SPINK6: variants seen among roughly 807,000 people sequenced by gnomAD.
SPINK6 encodes serine peptidase inhibitor Kazal type 6, also known as serine protease inhibitor Kazal-type 6.
In SPINK6, 13 loss-of-function variants were observed where a neutral mutation model predicts 11.7. That is an observed-to-expected ratio of 1.11 (90% CI 0.72 to 1.76). The LOEUF (loss-of-function observed/expected upper bound fraction) is 1.76, where lower values mean the gene tolerates loss of function less well. SPINK6 is among the 40% of genes most tolerant of loss of function. The probability of loss-of-function intolerance (pLI) is 0.00; values close to 1 mark genes in which losing one functional copy is unlikely to be tolerated. For synonymous variants in SPINK6, 21 were observed against 31.9 expected (o/e 0.66, Z 1.15); for missense variants, 98 against 93.7 (o/e 1.05, Z -0.19).
At chr5:148,211,882 T>G (rs1484152793) in intron 2 of SPINK6, among the ~76,000 whole-genome samples, 1 of 152,186 alleles carries the variant, frequency 6.6e-6, no homozygotes, top group Non-Finnish European at 1.5e-5. Flanking sequence ...TGAGATAATC[T>G]GTGTGAAAGT....
In SPINK6 at chr5:148,203,066, C is replaced by T. The variant is rs774165308; in HGVS notation, c.-31C>T. ...GACAGAGAACCTCAGCTGGACAAAG[C>T]AGCCTTGATCTGAGTGAGCTAACTG... On this transcript the variant is annotated 5_prime_UTR_variant, in exon 1 of 4. Transcript: ENST00000325630. 1.9e-6 allele frequency: 3 copies of T among 1,586,396 alleles called. No individual in the cohort carries two copies. In the East Asian group the frequency reaches 6.7e-5, roughly 36 times the overall value.
At chr5:148,205,542 TA>T (rs563803165) in intron 1 of SPINK6, among the ~76,000 whole-genome samples, 13 of 152,192 alleles carry the variant, frequency 8.5e-5, no homozygotes, top group Admixed American at 1.3e-4. Flanking sequence ...GGCCAAGTTT[TA>T]AAAGTTGAGC....
At chr5:148,209,992 A>ACACGCG (rs1561732169) in intron 2 of SPINK6, among the ~76,000 whole-genome samples, 2 of 145,856 alleles carry the variant, frequency 1.4e-5, no homozygotes, top group South Asian at 4.3e-4. Context: ...ATGTATACAT[A>ACACGCG]TACACGTATG....
At chr5:148,212,244 T>C (rs1755607836) in intron 2 of SPINK6, among the ~76,000 whole-genome samples, 1 of 151,764 alleles carries the variant, frequency 6.6e-6, no homozygotes, top group Admixed American at 6.6e-5. Flanking sequence ...TCAACAATAG[T>C]GCAACCTTAG....
At chr5:148,204,768 T>C (rs1227013252) in intron 1 of SPINK6, among the ~76,000 whole-genome samples, 1 of 152,118 alleles carries the variant, frequency 6.6e-6, no homozygotes, top group Non-Finnish European at 1.5e-5. Flanking sequence ...GAGTACTAAA[T>C]TGGACTCCGT....
chr5:148,208,380 A>G (rs901777903), intron 2 of SPINK6, among the ~76,000 whole-genome samples: 6 of 152,212 alleles, frequency 3.9e-5, no homozygotes, highest in African/African-American at 1.4e-4. Context: ...CAATGCCAGC[A>G]GAAGACATTG....
chr5:148,203,075 T>A lies in SPINK6; in HGVS notation c.-22T>A. The A allele has an allele frequency of 1.9e-6, 3 of 1,600,572 alleles. No homozygotes were observed. Among genetic ancestry groups the A allele is most frequent in the Non-Finnish European group, 2.6e-6 (3 of 1,175,760 alleles). Reference sequence around the variant, plus strand: ...CCTCAGCTGGACAAAGCAGCCTTGATCTGAGTGAGCTAACTGACACAATGA... The same window carrying A: ...CCTCAGCTGGACAAAGCAGCCTTGAACTGAGTGAGCTAACTGACACAATGA... On this transcript the variant is annotated 5_prime_UTR_variant, in exon 1 of 4. Transcript: ENST00000325630.
chr5:148,212,358 G>C (rs542910690), intron 2 of SPINK6, among the ~76,000 whole-genome samples: 1 of 150,030 alleles, frequency 6.7e-6, no homozygotes, highest in South Asian at 2.1e-4. Context: ...GTAATAAAAA[G>C]ACATAGATGC....
At chr5:148,213,608 G>A (rs1755643676) in intron 2 of SPINK6, among the ~76,000 whole-genome samples, 1 of 151,894 alleles carries the variant, frequency 6.6e-6, no homozygotes, top group African/African-American at 2.4e-5. Context: ...GTTTAATGTT[G>A]GAGCAAAAAG....
chr5:148,206,000 G>T, intron 1 of SPINK6, 36 bp from the exon 2 acceptor site: 1 of 1,612,624 alleles, frequency 6.2e-7, no homozygotes, highest in Non-Finnish European at 8.5e-7. Flanking sequence ...GTACATCAAT[G>T]AATTACAGTG....
At chr5:148,214,337 T>C (rs1755654859) in intron 3 of SPINK6, among the ~76,000 whole-genome samples, 1 of 152,224 alleles carries the variant, frequency 6.6e-6, no homozygotes, top group South Asian at 2.1e-4. Flanking sequence ...TTGATATGTT[T>C]TAATGTTTTC....
intron 2 of SPINK6, among the ~76,000 whole-genome samples, chr5:148,210,679 A>G (rs868402323): frequency 1.3e-5 from 2 of 152,224 alleles, no homozygotes; most frequent in Non-Finnish European, 1.5e-5. Context: ...AGACAGCAAG[A>G]GAGAGAAGAA....
At chr5:148,212,656 AT>A (rs1290455670) in intron 2 of SPINK6, among the ~76,000 whole-genome samples, 1 of 102,586 alleles carries the variant, frequency 9.7e-6, no homozygotes, top group African/African-American at 4.5e-5. Context: ...AAATATATAT[AT>A]TTATATATTT....
chr5:148,215,055 C>A lies in SPINK6; in HGVS notation c.*105C>A. On this transcript the variant is annotated 3_prime_UTR_variant, in exon 4 of 4. Transcript: ENST00000325630. Reference sequence around the variant, plus strand: ...ATTCCTTTAATTCATAAAGACATACCTACTCTGCCTGGGTCTTGAGGAGTT... The same window carrying A: ...ATTCCTTTAATTCATAAAGACATACATACTCTGCCTGGGTCTTGAGGAGTT... 1 of 1,083,152 alleles carries A rather than the reference C, an allele frequency of 9.2e-7. No individual in the cohort carries two copies. Among genetic ancestry groups the A allele is most frequent in the Admixed American group, 1.9e-5 (1 of 52,746 alleles). The allele number at this position is 1,083,152 out of a possible 1,614,324, so 67.1% of individuals were successfully genotyped here. A position where few individuals can be genotyped will look rare whatever the true frequency, so the allele number is the denominator to read the frequency against.
At position 148,214,992 on chromosome 5, in the gene SPINK6, C is replaced by A. The variant is rs1463134558; in HGVS notation, c.*42C>A. On this transcript the variant is annotated 3_prime_UTR_variant, in exon 4 of 4. Transcript: ENST00000325630. ...CTTGGTGACTTGCCAGCTTTTGCAG[C>A]CTTCTTTTCTCACTTCTGCTTATAC... 2 of 1,590,836 alleles carry A rather than the reference C, an allele frequency of 1.3e-6. No homozygotes were observed. The highest frequency in any genetic ancestry group is 1.7e-5 in the Admixed American group (1 of 59,824).
At chr5:148,212,586 T>A (rs1271742716) in intron 2 of SPINK6, among the ~76,000 whole-genome samples, 1 of 101,042 alleles carries the variant, frequency 9.9e-6, no homozygotes, top group Non-Finnish European at 1.8e-5. Context: ...ATTATATAAA[T>A]ATATTTTATA....
intron 2 of SPINK6, among the ~76,000 whole-genome samples, chr5:148,212,184 C>G (rs1023436213): frequency 4.7e-4 from 72 of 151,916 alleles, no homozygotes; most frequent in African/African-American, 1.7e-3. Context: ...GCTACCATTC[C>G]TACTATGGAG....
At chr5:148,212,562 AAT>A (rs1491055764) in intron 2 of SPINK6, among the ~76,000 whole-genome samples, 2 of 72,652 alleles carry the variant, frequency 2.8e-5, no homozygotes, top group Non-Finnish European at 2.6e-5. Context: ...ATATTTATAT[AAT>A]ATATATTATA....
intron 2 of SPINK6, among the ~76,000 whole-genome samples, chr5:148,210,021 TGTACGCATGCACAA>T (rs1755560084): frequency 5.2e-5 from 1 of 19,326 alleles, no homozygotes; most frequent in African/African-American, 9.1e-5. Context: ...TATGTACGCA[TGTACGCATGCACAA>T]ACGTATGTAT....
Sources: gnomAD v4.1 joint callset for allele counts (sites outside exome capture counted in the v4.1 genomes callset) on GRCh38, gnomAD v4.1.1 for gene constraint, MANE v1.5 for transcripts, NCBI Gene and HGNC (gene_info 2026-07-23, HGNC 2026-07-21) for gene names.